DRC8: variants seen among roughly 807,000 people sequenced by gnomAD.
DRC8 encodes dynein regulatory complex subunit 8, also known as dynein regulatory complex protein 8.
chr1:244,991,339 C>T, the DRC8 span, among the ~76,000 whole-genome samples: 1 of 152,092 alleles, frequency 6.6e-6, no homozygotes, highest in Non-Finnish European at 1.5e-5. Flanking sequence ...GATGTGCTTG[C>T]CATTCCAGAG....
At chr1:244,970,248 G>A in the DRC8 span, 6 of 179,770 alleles carry the variant, frequency 3.3e-5, no homozygotes, top group Non-Finnish European at 6.2e-5. Flanking sequence ...CGGGGACAGG[G>A]CGCGCGCTCG....
the DRC8 span, among the ~76,000 whole-genome samples, chr1:245,028,575 C>T: frequency 7.5e-4 from 114 of 151,998 alleles, no homozygotes; most frequent in African/African-American, 2.5e-3. Context: ...AAAGAAGAAA[C>T]CCACTCTGAC....
At chr1:245,046,857 A>G in the DRC8 span, among the ~76,000 whole-genome samples, 1 of 152,102 alleles carries the variant, frequency 6.6e-6, no homozygotes, top group Non-Finnish European at 1.5e-5. Context: ...GCTCTCTTAT[A>G]TTGCCTTTAC....
the DRC8 span, among the ~76,000 whole-genome samples, chr1:244,973,115 A>G: frequency 2.0e-5 from 3 of 152,238 alleles, no homozygotes; most frequent in Admixed American, 2.0e-4. Flanking sequence ...AACTAAACTC[A>G]TAAAAGACTG....
At chr1:245,018,365 A>G in the DRC8 span, among the ~76,000 whole-genome samples, 2 of 152,174 alleles carry the variant, frequency 1.3e-5, no homozygotes, top group South Asian at 2.1e-4. Context: ...TGGTTTGAAA[A>G]TGGTTCTGGA....
chr1:244,996,852 C>CA, the DRC8 span, among the ~76,000 whole-genome samples: 2 of 152,150 alleles, frequency 1.3e-5, no homozygotes, highest in Non-Finnish European at 2.9e-5. Flanking sequence ...TTCCCTTCTC[C>CA]ATGCAGTCAC....
chr1:245,103,693 G>A, the DRC8 span, among the ~76,000 whole-genome samples: 8 of 152,128 alleles, frequency 5.3e-5, no homozygotes, highest in Non-Finnish European at 1.0e-4. Context: ...TGAGGCTGAC[G>A]AGGATCAGAG....
the DRC8 span, among the ~76,000 whole-genome samples, chr1:245,069,419 G>A: frequency 5.3e-5 from 8 of 152,270 alleles, no homozygotes; most frequent in Non-Finnish European, 1.0e-4. Flanking sequence ...TGGGGAGGAC[G>A]AGGAGAGGAG....
At chr1:245,123,011 G>A in the DRC8 span, 27,670 of 152,084 alleles carry the variant, frequency 0.18, 3,269 homozygotes, top group Non-Finnish European at 0.27. The surrounding 1 kb of genome is among the most constrained non-coding windows in gnomAD (Gnocchi z 5.0). Context: ...TCTGTGTCTG[G>A]CTTCTTTCAT....
the DRC8 span, among the ~76,000 whole-genome samples, chr1:244,997,731 A>G: frequency 1.3e-5 from 2 of 151,640 alleles, no homozygotes; most frequent in Admixed American, 6.6e-5. Context: ...TTTTAGTAGA[A>G]ACGAGGTTTC....
the DRC8 span, among the ~76,000 whole-genome samples, chr1:244,979,867 A>C: frequency 6.6e-6 from 1 of 151,648 alleles, no homozygotes; most frequent in Non-Finnish European, 1.5e-5. Flanking sequence ...ATGGGTTAGG[A>C]GATGTGGGAA....
At chr1:244,995,403 G>A in the DRC8 span, among the ~76,000 whole-genome samples, 32 of 151,602 alleles carry the variant, frequency 2.1e-4, no homozygotes, top group African/African-American at 6.3e-4. Context: ...TATCCCCCAG[G>A]CTGGATTGCA....
chr1:245,048,296 T>C, the DRC8 span, among the ~76,000 whole-genome samples: 1 of 152,214 alleles, frequency 6.6e-6, no homozygotes, highest in Non-Finnish European at 1.5e-5. Context: ...TCTCCAAGTT[T>C]CTGAAGTACT....
At chr1:245,118,305 A>G in the DRC8 span, among the ~76,000 whole-genome samples, 1 of 152,196 alleles carries the variant, frequency 6.6e-6, no homozygotes, top group Admixed American at 6.5e-5. Flanking sequence ...AAGAGTAGCC[A>G]AGAACAACAC....
At chr1:245,002,926 A>G in the DRC8 span, among the ~76,000 whole-genome samples, 1 of 152,108 alleles carries the variant, frequency 6.6e-6, no homozygotes, top group Non-Finnish European at 1.5e-5. Context: ...CCCAAACTAA[A>G]GCTCTGTGCC....
the DRC8 span, among the ~76,000 whole-genome samples, chr1:245,082,585 A>G: frequency 1.3e-5 from 2 of 152,236 alleles, no homozygotes; most frequent in African/African-American, 2.4e-5. Context: ...GTGATTTTGC[A>G]CTAAATATTT....
At chr1:244,984,494 C>A in the DRC8 span, among the ~76,000 whole-genome samples, 180 of 152,282 alleles carry the variant, frequency 1.2e-3, 1 homozygote, top group African/African-American at 4.2e-3. Context: ...TGGCACCTTG[C>A]ATCTTCTTAT....
the DRC8 span, among the ~76,000 whole-genome samples, chr1:245,046,707 T>C: frequency 6.6e-6 from 1 of 152,232 alleles, no homozygotes; most frequent in Admixed American, 6.5e-5. Flanking sequence ...TCAAGGAATT[T>C]GGAAGTCCTT....
chr1:245,043,931 C>A, the DRC8 span: 1 of 152,092 alleles, frequency 6.6e-6, no homozygotes, highest in African/African-American at 2.4e-5. Flanking sequence ...AACAAGGGTG[C>A]TTTCTTCAGC....
Sources: gnomAD v4.1 joint callset for allele counts (sites outside exome capture counted in the v4.1 genomes callset) on GRCh38, gnomAD v4.1.1 for gene constraint, Gnocchi (gnomAD v3.1) non-coding constraint, MANE v1.5 for transcripts, NCBI Gene and HGNC (gene_info 2026-07-23, HGNC 2026-07-21) for gene names.